Variants in MED27 observed in about 807,000 individuals in gnomAD.
The protein encoded by MED27 is mediator complex subunit 27, also known as mediator of RNA polymerase II transcription subunit 27.
Under a neutral mutation model 38.2 loss-of-function variants are expected in MED27, and 30 were observed. The observed-to-expected ratio is 0.79, with a 90% CI of 0.59 to 1.07. The LOEUF (loss-of-function observed/expected upper bound fraction) is 1.07. Ranked by LOEUF, MED27 falls within the 50% of genes least tolerant of loss-of-function variation. MED27 has a pLI of 0.00. For missense variants in MED27, 289 were observed against 397.5 expected (o/e 0.73, Z 2.32); for synonymous variants, 122 against 153.5 (o/e 0.79, Z 1.52).
At chr9:131,868,778 C>G (rs1405208455) in intron 6 of MED27, 4 of 985,362 alleles carry the variant, frequency 4.1e-6, no homozygotes, top group Non-Finnish European at 4.8e-6. Context: ...CCAGCAGCTG[C>G]CCGCCATCTC....
chr9:131,939,612 A>T, intron 3 of MED27, 138 bp from the exon 4 acceptor site: 1 of 492,994 alleles, frequency 2.0e-6, no homozygotes, highest in Middle Eastern at 3.5e-4. Flanking sequence ...ATAGAATTAG[A>T]AACCTTTTAG....
intron 3 of MED27, among the ~76,000 whole-genome samples, chr9:131,991,699 A>C (rs1229131328): frequency 6.6e-6 from 1 of 152,130 alleles, no homozygotes; most frequent in African/African-American, 2.4e-5. Context: ...TGTCTTGGAG[A>C]TATCAATCAT....
At chr9:132,024,366 G>T (rs1009148122) in intron 2 of MED27, among the ~76,000 whole-genome samples, 1 of 152,190 alleles carries the variant, frequency 6.6e-6, no homozygotes, top group African/African-American at 2.4e-5. Context: ...GGTATAATGT[G>T]TGCAAAAGCC....
intron 2 of MED27, among the ~76,000 whole-genome samples, chr9:132,026,997 A>C (rs1346299431): frequency 6.6e-6 from 1 of 152,234 alleles, no homozygotes; most frequent in Admixed American, 6.5e-5. Flanking sequence ...CTCTGTAACC[A>C]CTACACTCAA....
intron 2 of MED27, among the ~76,000 whole-genome samples, chr9:132,073,059 A>T (rs1833976190): frequency 6.6e-6 from 1 of 151,980 alleles, no homozygotes; most frequent in Non-Finnish European, 1.5e-5. Context: ...ACTCCAAAAA[A>T]CTTCCACCAA....
intron 4 of MED27, among the ~76,000 whole-genome samples, chr9:131,905,146 C>T (rs1830029150): frequency 6.6e-6 from 1 of 152,138 alleles, no homozygotes; most frequent in South Asian, 2.1e-4. Context: ...AAATATAGCC[C>T]TTCCAGGGAA....
chr9:131,913,357 T>C lies in MED27; in HGVS notation c.574-19365A>G, dbSNP rs568044283. ...ACTTAATGTGACCTTGAACAAGTTA[T>C]TGAACCTTCTGAGTCTCAGTGTTCT... On this transcript the variant is annotated intron_variant, in intron 4 of 7. Coordinates refer to ENST00000292035, the MANE Select transcript of MED27 (RefSeq NM_004269.4). This position sits in a 1 kb window ranked among gnomAD's most constrained non-coding sequence, Gnocchi z 4.5. Among the ~76,000 whole-genome samples, 4 of 152,352 alleles carry C rather than the reference T, an allele frequency of 2.6e-5. No individual in the cohort carries two copies. The South Asian group carries it at 8.3e-4, about 32-fold the overall frequency.
chr9:132,030,697 A>G lies in MED27; in HGVS notation c.349-16230T>C, dbSNP rs1832940524. On this transcript the variant is annotated intron_variant, in intron 2 of 7. Transcript: ENST00000292035. Reference sequence around the variant, plus strand: ...AATCAAAATGTGCTTTTTGAAATACAAAGATGCTATAGACCTATGTGTAAA... The same window carrying G: ...AATCAAAATGTGCTTTTTGAAATACGAAGATGCTATAGACCTATGTGTAAA... 2.0e-5 allele frequency among the ~76,000 whole-genome samples: 3 copies of G among 152,358 alleles called. No homozygotes were observed. In the South Asian group the frequency reaches 6.2e-4, roughly 32 times the overall value.
At chr9:131,899,581 A>T (rs932176560) in intron 4 of MED27, among the ~76,000 whole-genome samples, 1 of 152,186 alleles carries the variant, frequency 6.6e-6, no homozygotes. Context: ...GAAGGAGGCG[A>T]TCCATGTAAA....
chr9:132,061,843 T>C (rs569961001), intron 2 of MED27, among the ~76,000 whole-genome samples: 34 of 152,362 alleles, frequency 2.2e-4, no homozygotes, highest in African/African-American at 7.9e-4. Context: ...GTATCCTTTC[T>C]TTGCCCTTTT....
At chr9:132,027,112 C>T (rs1341702959) in intron 2 of MED27, among the ~76,000 whole-genome samples, 1 of 152,148 alleles carries the variant, frequency 6.6e-6, no homozygotes, top group African/African-American at 2.4e-5. Context: ...GTAAGTAAAC[C>T]TCAAAGTATG....
chr9:131,966,362 C>T (rs1352067601), intron 3 of MED27, among the ~76,000 whole-genome samples: 1 of 65,328 alleles, frequency 1.5e-5, no homozygotes, highest in Non-Finnish European at 2.7e-5. Flanking sequence ...CCAGCCCAGG[C>T]AAAAGAGCCA....
chr9:131,961,287 T>C (rs1831209460), intron 3 of MED27, among the ~76,000 whole-genome samples: 1 of 152,152 alleles, frequency 6.6e-6, no homozygotes, highest in African/African-American at 2.4e-5. Context: ...TGGCTGCTTG[T>C]TTCAGAGACA....
At chr9:131,920,619 C>T (rs1830371897) in intron 4 of MED27, among the ~76,000 whole-genome samples, 1 of 152,076 alleles carries the variant, frequency 6.6e-6, no homozygotes, top group African/African-American at 2.4e-5. Context: ...GTGATAAGTA[C>T]AACGAAAGAA....
At chr9:131,890,176 G>A (rs538327489) in intron 5 of MED27, among the ~76,000 whole-genome samples, 1 of 152,262 alleles carries the variant, frequency 6.6e-6, no homozygotes, top group African/African-American at 2.4e-5. Flanking sequence ...TGAAAAAAAG[G>A]GGCTAATCAA....
intron 5 of MED27, among the ~76,000 whole-genome samples, chr9:131,890,526 C>T (rs182505781): frequency 1.3e-5 from 2 of 152,348 alleles, no homozygotes; most frequent in African/African-American, 2.4e-5. Flanking sequence ...TTTACAACTT[C>T]AATTACTGCC....
intron 4 of MED27, among the ~76,000 whole-genome samples, chr9:131,904,712 T>G (rs1830021856): frequency 6.6e-6 from 1 of 152,088 alleles, no homozygotes; most frequent in Non-Finnish European, 1.5e-5. Flanking sequence ...ACTGGGGTCA[T>G]TTGCTAAAGA....
intron 4 of MED27, among the ~76,000 whole-genome samples, chr9:131,927,289 C>T (rs1024735472): frequency 1.3e-5 from 2 of 152,162 alleles, no homozygotes; most frequent in Non-Finnish European, 2.9e-5. Flanking sequence ...TTAGCTAGGG[C>T]TTGGATTGTA....
intron 5 of MED27, among the ~76,000 whole-genome samples, chr9:131,893,533 T>C (rs1453356825): frequency 6.6e-6 from 1 of 152,166 alleles, no homozygotes; most frequent in Non-Finnish European, 1.5e-5. Flanking sequence ...CTCGTGGTTC[T>C]AGGAAAAGCA....
Sources: gnomAD v4.1 joint callset for allele counts (sites outside exome capture counted in the v4.1 genomes callset) on GRCh38, gnomAD v4.1.1 for gene constraint, Gnocchi (gnomAD v3.1) non-coding constraint, MANE v1.5 for transcripts, NCBI Gene and HGNC (gene_info 2026-07-23, HGNC 2026-07-21) for gene names.